The following VCAN variants were observed in gnomAD, a reference collection of about 807,000 sequenced individuals.
VCAN encodes the protein versican core protein.
A neutral mutation model predicts 245.5 loss-of-function variants in VCAN; 44 were observed. The ratio of observed to expected loss-of-function variants is 0.18; its 90% confidence interval spans 0.14 to 0.23. The LOEUF (loss-of-function observed/expected upper bound fraction) is 0.23. Among genes scored for constraint, VCAN ranks in the 10% least tolerant of loss-of-function variants. The pLI is 1.00. For missense variants in VCAN, 3,793 were observed against 4,057.9 expected (o/e 0.93, Z 1.77); for synonymous variants, 1,413 against 1,437.0 (o/e 0.98, Z 0.38).
chr5:83,514,178 ATCTC>A lies in VCAN; in HGVS notation c.1042+1786_1042+1789del, dbSNP rs146383139. ...TGTTTAAAAGTTTATATTCATTTTT[ATCTC>A]TCTAATTCATTTACATGTATGTAAC... On this transcript the variant is annotated intron_variant, in intron 6 of 14. Coordinates refer to ENST00000265077, the MANE Select transcript of VCAN (RefSeq NM_004385.5). 3.3e-3 allele frequency among the ~76,000 whole-genome samples: 506 copies of A among 152,330 alleles called. 2 individuals are homozygous for A. Among genetic ancestry groups the A allele is most frequent in the African/African-American group, 0.012 (481 of 41,572 alleles).
chr5:83,572,946 G>A (rs1348851758), intron 13 of VCAN, among the ~76,000 whole-genome samples: 1 of 151,016 alleles, frequency 6.6e-6, no homozygotes, highest in Non-Finnish European at 1.5e-5. Context: ...CTGTCACCAG[G>A]CTGGACTACA....
In VCAN at chr5:83,538,427, G is replaced by T; in HGVS notation, c.5424G>T (p.Glu1808Asp). 6.2e-7 allele frequency: 1 copy of T among 1,614,014 alleles called. No homozygotes were observed. The highest frequency in any genetic ancestry group is 1.6e-4 in the Middle Eastern group (1 of 6,062). Residue 1808 changes from glutamate (E) to aspartate (D), a missense_variant, in exon 8 of 15, where the codon GAG (glutamate) becomes GAT (aspartate). Physicochemically the swap from Glu to Asp is conservative, Grantham distance 45. Coordinates refer to ENST00000265077, the MANE Select transcript of VCAN (RefSeq NM_004385.5). The stretch of plus-strand genomic sequence containing the variant: ...AAAATTTGGGGGCACAGACCACTGA[G>T]CACAGCAGTATCCATCAACCTGGGG... ...TLENLGAQTT[E>D]HSSIHQPGVQ...
At chr5:83,564,068 T>C (rs1747981638) in intron 12 of VCAN, among the ~76,000 whole-genome samples, 1 of 152,192 alleles carries the variant, frequency 6.6e-6, no homozygotes, top group African/African-American at 2.4e-5. Flanking sequence ...TGCAACAGAA[T>C]AGAATGCAGT....
In VCAN at chr5:83,572,042, G is replaced by T. The variant is rs12654512; in HGVS notation, c.9736-374G>T. On this transcript the variant is annotated intron_variant, in intron 12 of 14. Coordinates refer to ENST00000265077, the MANE Select transcript of VCAN (RefSeq NM_004385.5). ...TTATATGTGCACATAAGAGGTAGAA[G>T]AAAACAATGATTAGAGTGATGAGAT... Among the ~76,000 whole-genome samples, 518 of 152,140 alleles carry T rather than the reference G, an allele frequency of 3.4e-3. 10 individuals carry two copies. The highest frequency in any genetic ancestry group is 0.032 in the East Asian group (165 of 5,172).
At position 83,540,397 on chromosome 5, in the gene VCAN, T is replaced by A; in HGVS notation, c.7394T>A (p.Leu2465Gln). ...ACCACATTTGTTTCTGATGGGTCCC[T>A]GGAAAAACATCCTGAGGTGCCAAGC... is the stretch of plus-strand genomic sequence containing the variant. The part of the protein sequence containing the change: ...SSTTFVSDGS[L>Q]EKHPEVPSAK... Residue 2465 changes from leucine (L) to glutamine (Q), a missense_variant, in exon 8 of 15, where the codon CTG becomes CAG. This residue lies in a region of VCAN where 3,182 missense variants were observed against 3,250.3 expected (regional missense o/e 0.98). Transcript: ENST00000265077. 1 of 1,613,998 alleles carries A rather than the reference T, an allele frequency of 6.2e-7. No homozygotes were observed. Among genetic ancestry groups the A allele is most frequent in the Non-Finnish European group, 8.5e-7 (1 of 1,179,930 alleles).
chr5:83,556,708 G>T (rs534702429), intron 12 of VCAN, among the ~76,000 whole-genome samples: 7 of 151,972 alleles, frequency 4.6e-5, no homozygotes, highest in Admixed American at 3.3e-4. Flanking sequence ...AATAGCGATT[G>T]GTATAGCATG....
chr5:83,542,710 T>A (rs557816713), intron 8 of VCAN, among the ~76,000 whole-genome samples: 1 of 152,168 alleles, frequency 6.6e-6, no homozygotes, highest in Non-Finnish European at 1.5e-5. Context: ...CCTTTAACAT[T>A]TGGGAGTAGT....
chr5:83,539,356 A>G lies in VCAN; in HGVS notation c.6353A>G (p.Glu2118Gly). Residue 2118 changes from glutamate (E) to glycine (G), a missense_variant, in exon 8 of 15, where the codon GAA becomes GGA. Physicochemically the swap from Glu to Gly is moderately conservative, Grantham distance 98. Around this residue, in one of 5 missense-constraint regions of VCAN, gnomAD observed 3,182 missense variants for 3,250.3 expected, o/e 0.98. Coordinates refer to ENST00000265077, the MANE Select transcript of VCAN (RefSeq NM_004385.5). ...ATTGAAAGTGAAACAACATCAGAGG[A>G]ACAAATTCAAGAAGAAAAGTCATTT... ...QEIESETTSEEQIQEEKSFES... is the reference protein window; with the variant it reads ...QEIESETTSEGQIQEEKSFES... The G allele has an allele frequency of 6.2e-7, 1 of 1,614,138 alleles. No individual in the cohort carries two copies. The highest frequency in any genetic ancestry group is 8.5e-7 in the Non-Finnish European group (1 of 1,180,006).
chr5:83,541,720 A>T lies in VCAN; in HGVS notation c.8717A>T (p.Lys2906Ile), dbSNP rs1239714204. The T allele has an allele frequency of 1.2e-6, 2 of 1,614,040 alleles. No homozygotes were observed. The highest frequency in any genetic ancestry group is 8.5e-7 in the Non-Finnish European group (1 of 1,179,996). The change falls in exon 8 of 15, where the codon AAA (lysine) becomes ATA (isoleucine). Residue 2906 changes from lysine (K) to isoleucine (I), a missense_variant. By Grantham distance (102) the Lys-to-Ile change is moderately radical. Around this residue, in one of 5 missense-constraint regions of VCAN, gnomAD observed 3,182 missense variants for 3,250.3 expected, o/e 0.98. Coordinates refer to ENST00000265077, the MANE Select transcript of VCAN (RefSeq NM_004385.5). ...TKLEPSEDDG[K>I]PELLEEMEAS... is the part of the protein sequence containing the mutation. ...TTAGAACCTTCAGAAGATGATGGTA[A>T]ACCTGAGTTATTAGAAGAAATGGAA...
chr5:83,572,449 A>G lies in VCAN; in HGVS notation c.9769A>G (p.Ser3257Gly), dbSNP rs757958407. ...YENWRPNQPD[S>G]FFSAGEDCVV... is the part of the protein sequence containing the mutation. ...GAATTGGAGACCCAACCAGCCAGAC[A>G]GCTTCTTTTCTGCTGGAGAAGACTG... Residue 3257 changes from serine to glycine, a missense_variant, in exon 13 of 15, where the codon AGC (serine) becomes GGC (glycine). Around this residue, in one of 5 missense-constraint regions of VCAN, gnomAD observed 205 missense variants for 321.1 expected, o/e 0.64. Coordinates refer to ENST00000265077, the MANE Select transcript of VCAN (RefSeq NM_004385.5). The G allele has an allele frequency of 5.0e-6, 8 of 1,613,844 alleles. No individual in the cohort carries two copies. Among genetic ancestry groups the G allele is most frequent in the Non-Finnish European group, 6.8e-6 (8 of 1,179,884 alleles).
intron 13 of VCAN, among the ~76,000 whole-genome samples, chr5:83,578,724 G>A (rs75389726): frequency 6.6e-6 from 1 of 152,122 alleles, no homozygotes; most frequent in Non-Finnish European, 1.5e-5. Flanking sequence ...TATTTCATGA[G>A]AGAATGTGGC....
chr5:83,495,564 G>C (rs750811530), intron 5 of VCAN, among the ~76,000 whole-genome samples: 1 of 152,214 alleles, frequency 6.6e-6, no homozygotes, highest in Non-Finnish European at 1.5e-5. Flanking sequence ...AATAGAAGAG[G>C]AGATGGTTGG....
chr5:83,546,630 C>A (rs1357318021), intron 9 of VCAN, among the ~76,000 whole-genome samples: 1 of 151,572 alleles, frequency 6.6e-6, no homozygotes, highest in Non-Finnish European at 1.5e-5. Context: ...GTAGTCCCAG[C>A]TACTTGGGAG....
At chr5:83,493,200 G>T (rs992057607) in intron 3 of VCAN, among the ~76,000 whole-genome samples, 7 of 152,168 alleles carry the variant, frequency 4.6e-5, no homozygotes, top group Admixed American at 1.3e-4. Flanking sequence ...TGTATCTTCT[G>T]CAGAATCTAC....
chr5:83,481,406 T>C (rs1342751710), intron 1 of VCAN, among the ~76,000 whole-genome samples: 3 of 152,170 alleles, frequency 2.0e-5, no homozygotes, highest in African/African-American at 7.2e-5. Flanking sequence ...CTTTTTATCA[T>C]AAAATACAAT....
intron 3 of VCAN, 65 bp downstream of exon 3, chr5:83,490,537 A>T: frequency 1.0e-5 from 16 of 1,602,782 alleles, no homozygotes; most frequent in Non-Finnish European, 1.3e-5. Context: ...GCATTGAGAA[A>T]TAGCACTCAG....
rs574437738 is a variant in VCAN, at chr5:83,537,944, A to G, written c.4941A>G (p.Glu1647=). 1.6e-5 allele frequency: 26 copies of G among 1,613,782 alleles called. No individual in the cohort carries two copies. In the South Asian group the frequency reaches 2.9e-4, roughly 18 times the overall value. ...PITEGSGEAE[E]DEDTMFTMVT... ...CAGAAGGCTCTGGAGAAGCAGAAGA[A>G]GATGAAGATACAATGTTCACCATGG... The change falls in exon 8 of 15, where the codon GAA becomes GAG. Residue 1647 remains glutamate (E), a synonymous_variant. Transcript: ENST00000265077.
chr5:83,552,639 A>AACACACACACAGAC (rs1384944182), intron 10 of VCAN, among the ~76,000 whole-genome samples: 2 of 151,040 alleles, frequency 1.3e-5, no homozygotes, highest in Non-Finnish European at 2.9e-5. Flanking sequence ...CTTATTGTGA[A>AACACACACACAGAC]ACACACACAC....
chr5:83,550,533 C>T (rs1747420436), intron 10 of VCAN, among the ~76,000 whole-genome samples: 1 of 152,118 alleles, frequency 6.6e-6, no homozygotes, highest in Non-Finnish European at 1.5e-5. Flanking sequence ...AGAATAGCAT[C>T]CTGGGAGATG....
Sources: gnomAD v4.1 joint callset for allele counts (sites outside exome capture counted in the v4.1 genomes callset) on GRCh38, gnomAD v4.1.1 for gene constraint, gnomAD v4.1.1 regional missense constraint, MANE v1.5 for transcripts, NCBI Gene and HGNC (gene_info 2026-07-23, HGNC 2026-07-21) for gene names.